The following ABCB1 variants were observed in gnomAD, a reference collection of about 807,000 sequenced individuals.
ABCB1 encodes ATP-dependent translocase ABCB1.
A neutral mutation model predicts 142.0 loss-of-function variants in ABCB1; 69 were observed. That is an observed-to-expected ratio of 0.49 (90% CI 0.40 to 0.59). ABCB1 has a LOEUF of 0.59. ABCB1 is among the 20% of genes least tolerant of loss of function. ABCB1 has a pLI of 0.00. For synonymous variants in ABCB1, 532 were observed against 539.2 expected (o/e 0.99, Z 0.18); for missense variants, 1,326 against 1,554.7 (o/e 0.85, Z 2.47).
chr7:87,610,895 T>G (rs1004393056), intron 1 of ABCB1, among the ~76,000 whole-genome samples: 17 of 152,068 alleles, frequency 1.1e-4, no homozygotes, highest in African/African-American at 3.1e-4. Context: ...AGGGGAGAGG[T>G]TATTGCTAGC....
chr7:87,697,561 A>G lies in ABCB1; in HGVS notation c.-331+15600T>C, dbSNP rs551334710. Among the ~76,000 whole-genome samples the G allele has an allele frequency of 6.6e-5, 10 of 152,364 alleles. No individual in the cohort carries two copies. In the East Asian group the frequency reaches 1.9e-3, roughly 29 times the overall value. ...GATTTCTCTAGATTCCAAAGCAAGT[A>G]ATGTGAAGAATTTAACTTTGCATCT... On this transcript the variant is annotated intron_variant, in intron 1 of 28. Transcript: ENST00000265724.
intron 1 of ABCB1, among the ~76,000 whole-genome samples, chr7:87,643,834 C>T (rs777497035): frequency 2.0e-5 from 3 of 150,702 alleles, no homozygotes; most frequent in African/African-American, 4.9e-5. Flanking sequence ...GCCAAGAATT[C>T]GCAAGTTGCA....
intron 19 of ABCB1, among the ~76,000 whole-genome samples, chr7:87,539,046 G>A (rs745465942): frequency 6.6e-5 from 10 of 152,204 alleles, no homozygotes; most frequent in Non-Finnish European, 1.3e-4. Context: ...TGGAGGCTCT[G>A]TCTCAAACTG....
chr7:87,552,043 A>G (rs2129721605), intron 9 of ABCB1, among the ~76,000 whole-genome samples: 1 of 152,322 alleles, frequency 6.6e-6, no homozygotes, highest in East Asian at 1.9e-4. Flanking sequence ...AATCATAGAG[A>G]TGTTGTATCA....
rs1816672985 is a variant in ABCB1 at position 87,544,276 on chromosome 7, C to T, written c.2065-1G>A. On this transcript the variant is annotated splice_acceptor_variant, in intron 16 of 27. Coordinates refer to ENST00000622132, the MANE Select transcript of ABCB1 (RefSeq NM_001348946.2). LOFTEE classifies it high-confidence loss of function. The stretch of plus-strand genomic sequence containing the variant: ...AGGAAACTGGAGGTATACTTTCATC[C>T]TAGAAAACACAAATTATTACAACAG... The T allele has an allele frequency of 6.2e-7, 1 of 1,612,304 alleles. No homozygotes were observed. The highest frequency in any genetic ancestry group is 1.3e-5 in the African/African-American group (1 of 74,822).
chr7:87,534,913 T>C (rs11972405), intron 20 of ABCB1, among the ~76,000 whole-genome samples: 17,980 of 111,204 alleles, frequency 0.16, 1,271 homozygotes, highest in African/African-American at 0.26. Flanking sequence ...AGACCCTGTC[T>C]CTTTAAAAAA....
intron 1 of ABCB1, chr7:87,709,494 G>A (rs1248934571): frequency 1.0e-6 from 1 of 985,202 alleles, no homozygotes; most frequent in Non-Finnish European, 1.2e-6. Context: ...AAGCTAAAAG[G>A]GATGTTGAGC....
chr7:87,657,545 C>T (rs1014694037), intron 1 of ABCB1, among the ~76,000 whole-genome samples: 17 of 152,158 alleles, frequency 1.1e-4, no homozygotes, highest in African/African-American at 4.1e-4. Context: ...AAGATTTCTT[C>T]CCTCTTGGCT....
intron 1 of ABCB1, among the ~76,000 whole-genome samples, chr7:87,616,350 T>A (rs1210427879): frequency 3.3e-5 from 5 of 152,354 alleles, no homozygotes; most frequent in African/African-American, 1.2e-4. Flanking sequence ...AAAGCGTTTG[T>A]TATAAGACTA....
intron 9 of ABCB1, among the ~76,000 whole-genome samples, chr7:87,552,156 C>G (rs1448078629): frequency 6.6e-6 from 1 of 152,128 alleles, no homozygotes; most frequent in East Asian, 1.9e-4. Context: ...AGGCCGTGTT[C>G]TCTTTAGGCC....
In ABCB1 at chr7:87,660,323, A is replaced by T. The variant is rs531866209; in HGVS notation, c.-331+52838T>A. 6.6e-5 allele frequency among the ~76,000 whole-genome samples: 10 copies of T among 152,014 alleles called. No individual in the cohort carries two copies. In the East Asian group the frequency reaches 1.9e-3, roughly 29 times the overall value. On this transcript the variant is annotated intron_variant, in intron 1 of 28. Transcript: ENST00000265724. ...TCAGGTTGTTGATTTCTTTGATGTTATTCTATTTTGTATTCTCCTTAAAGT... is the reference window on the plus strand; with the variant it reads ...TCAGGTTGTTGATTTCTTTGATGTTTTTCTATTTTGTATTCTCCTTAAAGT...
intron 1 of ABCB1, among the ~76,000 whole-genome samples, chr7:87,647,631 A>G (rs1044513236): frequency 2.0e-5 from 3 of 152,194 alleles, no homozygotes; most frequent in African/African-American, 7.2e-5. Flanking sequence ...TTAGTTAAGT[A>G]ACATCAGTCC....
intron 1 of ABCB1, among the ~76,000 whole-genome samples, chr7:87,612,169 T>C (rs1415933598): frequency 6.6e-6 from 1 of 152,214 alleles, no homozygotes; most frequent in African/African-American, 2.4e-5. Flanking sequence ...TAGTCCTTTG[T>C]TGAATGCATA....
At chr7:87,671,141 G>A (rs1825785560) in intron 1 of ABCB1, among the ~76,000 whole-genome samples, 1 of 152,220 alleles carries the variant, frequency 6.6e-6, no homozygotes. Flanking sequence ...TGTGGCCCCA[G>A]GCCAAGGGTT....
chr7:87,631,583 C>T (rs1292426181), intron 1 of ABCB1, among the ~76,000 whole-genome samples: 1 of 152,092 alleles, frequency 6.6e-6, no homozygotes, highest in Non-Finnish European at 1.5e-5. Flanking sequence ...TTAGTAGAGA[C>T]GGGGTTTCAC....
rs893860916 is a variant in ABCB1, at chr7:87,503,060, C to CA, written c.*1182dup. ...TTTTATTCATCATTAAATTACAAGG[C>CA]AAAAAAATGATATTTTGTTTTAATT... On this transcript the variant is annotated 3_prime_UTR_variant, in exon 28 of 28. Coordinates refer to ENST00000622132, the MANE Select transcript of ABCB1 (RefSeq NM_001348946.2). Among the ~76,000 whole-genome samples, 14 of 151,630 alleles carry CA rather than the reference C, an allele frequency of 9.2e-5. No homozygotes were observed. The highest frequency in any genetic ancestry group is 3.1e-4 in the African/African-American group (13 of 41,332).
upstream of ABCB1, among the ~76,000 whole-genome samples, chr7:87,604,378 A>C (rs1275363484): frequency 6.6e-6 from 1 of 152,074 alleles, no homozygotes; most frequent in Admixed American, 6.5e-5. Flanking sequence ...GTTTCCACTC[A>C]GTCCAAAGAG....
chr7:87,524,220 A>G (rs1815673801), intron 21 of ABCB1, among the ~76,000 whole-genome samples: 1 of 152,160 alleles, frequency 6.6e-6, no homozygotes, highest in Non-Finnish European at 1.5e-5. Context: ...ATAAAATTTA[A>G]AATATTATTC....
intron 3 of ABCB1, among the ~76,000 whole-genome samples, chr7:87,588,860 T>C (rs1334973533): frequency 2.6e-5 from 4 of 152,224 alleles, no homozygotes; most frequent in Non-Finnish European, 5.9e-5. Context: ...TGGTGTTAAA[T>C]GGTTTCTCAC....
Sources: allele counts gnomAD v4.1 joint callset (sites outside exome capture counted in the v4.1 genomes callset), GRCh38; gene constraint gnomAD v4.1.1; transcripts MANE v1.5; gene names NCBI Gene and HGNC (gene_info 2026-07-23, HGNC 2026-07-21).